The following PECAM1 variants were observed in gnomAD, a reference collection of about 807,000 sequenced individuals.
The protein encoded by PECAM1 is platelet endothelial cell adhesion molecule.
PECAM1 carries 8 observed loss-of-function variants against 13.8 expected under a neutral mutation model. The ratio of observed to expected loss-of-function variants is 0.58; its 90% CI spans 0.34 to 1.05. The LOEUF (loss-of-function observed/expected upper bound fraction) is 1.05. Among genes scored for constraint, PECAM1 ranks in the 50% least tolerant of loss-of-function variants. PECAM1 has a pLI of 0.03. For missense variants in PECAM1, 304 were observed against 141.2 expected (o/e 2.15, Z -5.84); for synonymous variants, 136 against 52.6 (o/e 2.58, Z -6.86).
In PECAM1 at chr17:64,324,725, T is replaced by C. The variant is rs542042807; in HGVS notation, c.2188-880A>G. Among the ~76,000 whole-genome samples, 17 of 152,310 alleles carry C rather than the reference T, an allele frequency of 1.1e-4. 1 individual carries two copies. Among genetic ancestry groups the C allele is most frequent in the Admixed American group, 7.2e-4 (11 of 15,290 alleles). On this transcript the variant is annotated intron_variant, in intron 15 of 15. Coordinates refer to ENST00000563924, the MANE Select transcript of PECAM1 (RefSeq NM_000442.5). ...AAAGAGAATGAAATTCTGATATATT[T>C]TCAACACAGGAAAACCTTGAAAACG...
chr17:64,376,700 C>T (rs1392643193), intron 3 of PECAM1, among the ~76,000 whole-genome samples: 1 of 152,202 alleles, frequency 6.6e-6, no homozygotes, highest in Admixed American at 6.5e-5. Context: ...GTGGACCGGG[C>T]ATGGTGGCTC....
intron 14 of PECAM1, among the ~76,000 whole-genome samples, chr17:64,340,023 T>G (rs903178739): frequency 8.6e-4 from 131 of 152,214 alleles, no homozygotes; most frequent in African/African-American, 3.1e-3. Flanking sequence ...TGGTGGTGTG[T>G]GTCTGTGGTT....
chr17:64,389,258 C>T (rs2143927792), intron 2 of PECAM1, among the ~76,000 whole-genome samples: 1 of 152,324 alleles, frequency 6.6e-6, no homozygotes, highest in Admixed American at 6.5e-5. Flanking sequence ...TTGCTGATTG[C>T]AGTGACTTCT....
intron 2 of PECAM1, among the ~76,000 whole-genome samples, chr17:64,384,509 G>A (rs1165485765): frequency 6.6e-6 from 1 of 152,112 alleles, no homozygotes; most frequent in Non-Finnish European, 1.5e-5. Flanking sequence ...CTTTTATCCT[G>A]ATCACTCTCT....
At chr17:64,345,776 C>G (rs1008558578) in intron 13 of PECAM1, among the ~76,000 whole-genome samples, 2 of 151,140 alleles carry the variant, frequency 1.3e-5, no homozygotes, top group Non-Finnish European at 2.9e-5. Flanking sequence ...CCACCCCTCT[C>G]AGGTCCAGTC....
intron 15 of PECAM1, among the ~76,000 whole-genome samples, chr17:64,326,444 C>G (rs988799091): frequency 6.6e-6 from 1 of 152,226 alleles, no homozygotes; most frequent in Non-Finnish European, 1.5e-5. Flanking sequence ...AAGGCTCTGG[C>G]CCCTCCTCTG....
intron 9 of PECAM1, among the ~76,000 whole-genome samples, chr17:64,354,697 C>T (rs2143789270): frequency 6.6e-6 from 1 of 152,244 alleles, no homozygotes; most frequent in South Asian, 2.1e-4. Context: ...ACACTTGCAC[C>T]CCACTCTACA....
At chr17:64,349,666 A>G (rs2035668182) in intron 12 of PECAM1, among the ~76,000 whole-genome samples, 1 of 150,974 alleles carries the variant, frequency 6.6e-6, no homozygotes, top group Non-Finnish European at 1.5e-5. Flanking sequence ...GTGGGCAGAT[A>G]ACAAGGTCAG....
chr17:64,354,689 A>G (rs28413610), intron 9 of PECAM1, among the ~76,000 whole-genome samples: 121,193 of 152,166 alleles, frequency 0.8, 54,401 homozygotes, highest in East Asian at 1. Flanking sequence ...TCTCCAAGAC[A>G]CTTGCACCCC....
intron 4 of PECAM1, among the ~76,000 whole-genome samples, chr17:64,371,659 G>A (rs1227657989): frequency 5.9e-5 from 9 of 152,046 alleles, no homozygotes; most frequent in South Asian, 4.1e-4. Context: ...GTGAAACCCC[G>A]TCTCTACTAA....
At chr17:64,349,561 T>A (rs1356581693) in intron 12 of PECAM1, among the ~76,000 whole-genome samples, 1 of 113,240 alleles carries the variant, frequency 8.8e-6, no homozygotes, top group Non-Finnish European at 1.7e-5. Context: ...GTACTCCAGC[T>A]TGGGTGACAG....
chr17:64,322,345 C>CCG lies in PECAM1; in HGVS notation c.*1470_*1471insCG, dbSNP rs2034826479. On this transcript the variant is annotated 3_prime_UTR_variant, in exon 16 of 16. Coordinates refer to ENST00000563924, the MANE Select transcript of PECAM1 (RefSeq NM_000442.5). The stretch of plus-strand genomic sequence containing the variant: ...AGGTTGCAGTGAGCAGAGGTTGCGC[C>CCG]GCTGCAGTCCAGCCCGGGCAACAAG... The CCG allele has an allele frequency of 1.7e-5, 15 of 882,978 alleles. No homozygotes were observed. The Admixed American group carries it at 1.8e-4, about 11-fold the overall frequency. The allele number at this position is 882,978 out of a possible 1,614,324, so 54.7% of individuals were successfully genotyped here.
At chr17:64,353,293 T>C (rs1441645473) in intron 10 of PECAM1, among the ~76,000 whole-genome samples, 198 bp downstream of exon 10, 1 of 131,286 alleles carries the variant, frequency 7.6e-6, no homozygotes, top group Non-Finnish European at 1.6e-5. Context: ...CAATTGGCAT[T>C]CTTCCACGGA....
At chr17:64,358,502 C>T (rs1178086508) in intron 7 of PECAM1, among the ~76,000 whole-genome samples, 1 of 152,132 alleles carries the variant, frequency 6.6e-6, no homozygotes, top group East Asian at 1.9e-4. Context: ...GCCTTCTCTG[C>T]CCACCCATTC....
At chr17:64,355,177 C>T (rs938778844) in intron 8 of PECAM1, 137 bp from the exon 9 acceptor site, 13 of 401,256 alleles carry the variant, frequency 3.2e-5, no homozygotes, top group African/African-American at 6.2e-5. Context: ...CCTTAGCATC[C>T]ATCTACCTCT....
chr17:64,344,615 A>G (rs1220197741), intron 13 of PECAM1, among the ~76,000 whole-genome samples: 7 of 151,828 alleles, frequency 4.6e-5, no homozygotes, highest in African/African-American at 1.7e-4. Flanking sequence ...AAGTCTTGAG[A>G]GCAGGGAACT....
At chr17:64,358,811 T>G (rs2035906160) in intron 7 of PECAM1, among the ~76,000 whole-genome samples, 1 of 152,056 alleles carries the variant, frequency 6.6e-6, no homozygotes, top group Non-Finnish European at 1.5e-5. Flanking sequence ...TTTTTTTTTT[T>G]TTTGAGATGG....
At chr17:64,334,331 CA>C (rs1323874337) in intron 14 of PECAM1, among the ~76,000 whole-genome samples, 3 of 151,968 alleles carry the variant, frequency 2.0e-5, no homozygotes, top group Non-Finnish European at 2.9e-5. Context: ...TTGTATTACT[CA>C]GGGGGTGAAA....
chr17:64,363,272 T>C lies in PECAM1; in HGVS notation c.1093A>G (p.Ile365Val), dbSNP rs967210903. The C allele has an allele frequency of 1.6e-4, 77 of 475,448 alleles. No homozygotes were observed. The highest frequency in any genetic ancestry group is 1.4e-3 in the African/African-American group (73 of 50,642). The allele number at this position is 475,448 out of a possible 1,614,324, so 29.5% of individuals were successfully genotyped here. A position where few individuals can be genotyped will look rare whatever the true frequency, so the allele number is the denominator to read the frequency against. ...ANFTIQKEDTIVSQTQDFTKI... is the reference protein window; with the variant it reads ...ANFTIQKEDTVVSQTQDFTKI... ...GTGAAATCTTGAGTCTGTGACACAA[T>C]CGTATCTTCCTTCTGGATGGTGAAG... The change falls in exon 6 of 16, where the codon ATT becomes GTT. Residue 365 changes from isoleucine (I) to valine (V), a missense_variant. Coordinates refer to ENST00000563924, the MANE Select transcript of PECAM1 (RefSeq NM_000442.5).
Sources: gnomAD v4.1 joint callset for allele counts (sites outside exome capture counted in the v4.1 genomes callset) on GRCh38, gnomAD v4.1.1 for gene constraint, MANE v1.5 for transcripts, NCBI Gene and HGNC (gene_info 2026-07-23, HGNC 2026-07-21) for gene names.